NF2: variants seen among roughly 807,000 people sequenced by gnomAD.
The protein encoded by NF2 is merlin.
A neutral mutation model predicts 83.7 loss-of-function variants in NF2; 8 were observed. The ratio of observed to expected loss-of-function variants is 0.10; its 90% confidence interval spans 0.06 to 0.17. NF2 has a LOEUF of 0.17. Among genes scored for constraint, NF2 ranks in the 10% least tolerant of loss-of-function variants. The pLI is 1.00. For synonymous variants in NF2, 266 were observed against 269.6 expected, an observed-to-expected ratio of 0.99 and a Z score of 0.13; for missense variants, 533 against 744.4, an observed-to-expected ratio of 0.72 and a Z score of 3.31.
At position 29,661,255 on chromosome 22, in the gene NF2, C is replaced by T. The variant is rs1480040681; in HGVS notation, c.726C>T (p.His242=). 6.2e-7 allele frequency: 1 copy of T among 1,614,126 alleles called. No individual in the cohort carries two copies. The highest frequency in any genetic ancestry group is 8.5e-7 in the Non-Finnish European group (1 of 1,180,054). Residue 242 remains histidine (H), a synonymous_variant, in exon 8 of 16, where the codon CAC becomes CAT. Transcript: ENST00000338641. ...LLLGVDALGL[H]IYDPENRLTP... is the part of the protein sequence containing the mutation. Reference sequence around the variant, plus strand: ...TTGGAGTGGATGCCCTGGGGCTTCACATTTATGACCCTGAGAACAGACTGA... The same window carrying T: ...TTGGAGTGGATGCCCTGGGGCTTCATATTTATGACCCTGAGAACAGACTGA...
intron 1 of NF2, among the ~76,000 whole-genome samples, chr22:29,635,428 G>A (rs1235071302): frequency 1.3e-5 from 2 of 151,964 alleles, no homozygotes; most frequent in South Asian, 2.1e-4. Flanking sequence ...TCCCGGTTTC[G>A]AGTGATTCCC....
At position 29,639,101 on chromosome 22, in the gene NF2, T is replaced by C. The variant is rs374512699; in HGVS notation, c.252T>C (p.His84=). ...CTGCAATTCTGCAGGTACTGGATCA[T>C]GATGTTTCAAAGGAAGAACCAGTCA... ...WLKMDKKVLD[H]DVSKEEPVTF... Residue 84 remains histidine (H), a synonymous_variant, in exon 3 of 16, where the codon CAT becomes CAC. Transcript: ENST00000338641. 54 of 1,614,254 alleles carry C rather than the reference T, an allele frequency of 3.3e-5. No individual in the cohort carries two copies. Among genetic ancestry groups the C allele is most frequent in the Non-Finnish European group, 4.6e-5 (54 of 1,180,026 alleles).
rs1195100030 is a variant in NF2 at position 29,624,798 on chromosome 22, CCTCTTTCTTTCTTTCTTTCTTT to C, written c.115-11950_115-11929del. On this transcript the variant is annotated intron_variant, in intron 1 of 15. Transcript: ENST00000338641. ...TTATGCCATGTTCTTGTTGAAGGGT[CCTCTTTCTTTCTTTCTTTCTTT>C]CTTTCTTTCTTTCTTTCTTTCTTTC... 6.1e-4 allele frequency among the ~76,000 whole-genome samples: 86 copies of C among 141,962 alleles called. 1 individual carries two copies. The highest frequency in any genetic ancestry group is 2.2e-3 in the African/African-American group (80 of 36,882). 93.1% of individuals were successfully genotyped at this position (141,962 alleles called of 152,430 possible).
intron 4 of NF2, among the ~76,000 whole-genome samples, chr22:29,648,364 A>G (rs2066045018): frequency 6.6e-6 from 1 of 152,226 alleles, no homozygotes. Context: ...CAGGTAATCA[A>G]GAAAAAGAAA....
In NF2 at chr22:29,603,927, A is replaced by C; in HGVS notation, c.-72A>C. 8.2e-7 allele frequency: 1 copy of C among 1,225,320 alleles called. No homozygotes were observed. The highest frequency in any genetic ancestry group is 1.2e-6 in the Non-Finnish European group (1 of 862,244). 75.9% of individuals were successfully genotyped at this position (1,225,320 alleles called of 1,614,324 possible). A position where few individuals can be genotyped will look rare whatever the true frequency, so the allele number is the denominator to read the frequency against. Reference sequence around the variant, plus strand: ...ATGGTGGCCCTGAGGCCTGTGCAGCAACTCCAGGGGGGCTAAAGGGCTCAG... The same window carrying C: ...ATGGTGGCCCTGAGGCCTGTGCAGCCACTCCAGGGGGGCTAAAGGGCTCAG... On this transcript the variant is annotated 5_prime_UTR_variant, in exon 1 of 16. Coordinates refer to ENST00000338641, the MANE Select transcript of NF2 (RefSeq NM_000268.4).
At chr22:29,662,085 A>G (rs2066494903) in intron 8 of NF2, among the ~76,000 whole-genome samples, 1 of 152,162 alleles carries the variant, frequency 6.6e-6, no homozygotes, top group African/African-American at 2.4e-5. Flanking sequence ...TCATCCATCC[A>G]TTCATTCATT....
chr22:29,683,283 C>G (rs925476616), intron 15 of NF2: 118 of 1,457,728 alleles, frequency 8.1e-5, no homozygotes, highest in Non-Finnish European at 1.0e-4. Flanking sequence ...TGCCTCGTTC[C>G]GAAGAGCATG....
intron 1 of NF2, among the ~76,000 whole-genome samples, chr22:29,607,499 C>A (rs1425092320): frequency 2.0e-5 from 3 of 152,176 alleles, no homozygotes; most frequent in Non-Finnish European, 1.5e-5. Context: ...CTCAAATAAT[C>A]CAGCCAGTCG....
intron 4 of NF2, among the ~76,000 whole-genome samples, chr22:29,646,691 C>A (rs1238014519): frequency 6.6e-6 from 1 of 152,120 alleles, no homozygotes; most frequent in Non-Finnish European, 1.5e-5. Context: ...AGTATAAATA[C>A]AATACTAATC....
intron 9 of NF2, among the ~76,000 whole-genome samples, chr22:29,667,559 G>A (rs1467018122): frequency 5.9e-5 from 9 of 151,810 alleles, no homozygotes; most frequent in Non-Finnish European, 1.2e-4. Context: ...CAAATGTTTT[G>A]AGTTTTTTGT....
chr22:29,618,032 G>A (rs1380420862), intron 1 of NF2, among the ~76,000 whole-genome samples: 1 of 152,110 alleles, frequency 6.6e-6, no homozygotes, highest in Non-Finnish European at 1.5e-5. Flanking sequence ...GATATAGGAG[G>A]GACTATAATT....
At chr22:29,629,990 G>T (rs1381528336) in intron 1 of NF2, among the ~76,000 whole-genome samples, 1 of 152,162 alleles carries the variant, frequency 6.6e-6, no homozygotes, top group Non-Finnish European at 1.5e-5. Context: ...GCCTTTTCCT[G>T]TCATGGGTCT....
At chr22:29,629,775 T>C (rs530931699) in intron 1 of NF2, among the ~76,000 whole-genome samples, 8 of 152,374 alleles carry the variant, frequency 5.3e-5, no homozygotes, top group Non-Finnish European at 1.2e-4. Flanking sequence ...GAGACAGCCG[T>C]TGAAACGGCA....
chr22:29,682,975 A>G (rs377070872), intron 15 of NF2: 1 of 1,610,842 alleles, frequency 6.2e-7, no homozygotes, highest in Non-Finnish European at 8.5e-7. Flanking sequence ...TGTTGATATC[A>G]CAGGGTATGT....
intron 15 of NF2, among the ~76,000 whole-genome samples, chr22:29,684,904 G>C (rs954867756): frequency 2.0e-5 from 3 of 151,990 alleles, no homozygotes; most frequent in South Asian, 4.2e-4. Flanking sequence ...CCTGCACTAG[G>C]GTGGCTCTGG....
At chr22:29,692,897 G>A (rs914220966) in intron 15 of NF2, among the ~76,000 whole-genome samples, 2 of 152,198 alleles carry the variant, frequency 1.3e-5, no homozygotes, top group East Asian at 1.9e-4. Context: ...CTGCCATCAC[G>A]CCCGCTTCAC....
chr22:29,697,098 T>C lies in NF2; in HGVS notation c.*2296T>C, dbSNP rs2067573820. 1.0e-5 allele frequency: 2 copies of C among 198,464 alleles called. No individual in the cohort carries two copies. Among genetic ancestry groups the C allele is most frequent in the East Asian group, 1.5e-4 (2 of 12,988 alleles). The allele number at this position is 198,464 out of a possible 1,614,324, so 12.3% of individuals were successfully genotyped here. ...TCCCAAAGTTCTGGGATTATAGGCG[T>C]GAGCCACCATGCCCGGTCTCTTCTC... On this transcript the variant is annotated 3_prime_UTR_variant, in exon 16 of 16. Transcript: ENST00000338641.
At chr22:29,607,777 CAAA>C (rs1192375735) in intron 1 of NF2, among the ~76,000 whole-genome samples, 2 of 151,834 alleles carry the variant, frequency 1.3e-5, no homozygotes, top group Non-Finnish European at 2.9e-5. Context: ...AATATGATGA[CAAA>C]GAAGTAAAGG....
At chr22:29,654,479 A>G (rs1431855981) in intron 4 of NF2, among the ~76,000 whole-genome samples, 178 bp from the exon 5 acceptor site, 3 of 152,246 alleles carry the variant, frequency 2.0e-5, no homozygotes, top group Admixed American at 2.0e-4. Flanking sequence ...GTTCATAGAT[A>G]TAATCAGCTT....
Sources: allele counts gnomAD v4.1 joint callset (sites outside exome capture counted in the v4.1 genomes callset), GRCh38; gene constraint gnomAD v4.1.1; transcripts MANE v1.5; gene names NCBI Gene and HGNC (gene_info 2026-07-23, HGNC 2026-07-21).